Variants in LAMA4 observed in about 807,000 individuals in gnomAD.
LAMA4 encodes the protein laminin subunit alpha-4.
Under a neutral mutation model 207.1 loss-of-function variants are expected in LAMA4, and 127 were observed. That is an observed-to-expected ratio of 0.61 (90% CI 0.53 to 0.71). The LOEUF is 0.71. Ranked by LOEUF, LAMA4 falls within the 30% of genes least tolerant of loss-of-function variation. LAMA4 has a pLI of 0.00. For missense variants in LAMA4, 2,093 were observed against 2,246.5 expected, an observed-to-expected ratio of 0.93 and a Z score of 1.38; for synonymous variants, 761 against 816.0, an observed-to-expected ratio of 0.93 and a Z score of 1.15.
chr6:112,145,384 G>T (rs773240450), intron 18 of LAMA4, among the ~76,000 whole-genome samples: 1 of 152,216 alleles, frequency 6.6e-6, no homozygotes, highest in Non-Finnish European at 1.5e-5. Context: ...AGAGAGTAAC[G>T]CTACTGACCC....
chr6:112,190,870 T>C (rs946513125), intron 6 of LAMA4, among the ~76,000 whole-genome samples: 5 of 146,828 alleles, frequency 3.4e-5, no homozygotes, highest in South Asian at 2.2e-4. Flanking sequence ...GCAAGGTTTC[T>C]TTTTCTTTCT....
intron 31 of LAMA4, among the ~76,000 whole-genome samples, chr6:112,123,874 G>A (rs1778521602): frequency 6.6e-6 from 1 of 152,122 alleles, no homozygotes; most frequent in Non-Finnish European, 1.5e-5. Flanking sequence ...CAGAAACAAG[G>A]TTTCTCTCTT....
At chr6:112,207,583 C>A (rs941203542) in intron 3 of LAMA4, among the ~76,000 whole-genome samples, 2 of 149,920 alleles carry the variant, frequency 1.3e-5, no homozygotes, top group African/African-American at 5.1e-5. Context: ...GCAATGGGAA[C>A]AATAAGGATT....
At chr6:112,242,291 T>A (rs1786573501) in intron 2 of LAMA4, among the ~76,000 whole-genome samples, 1 of 152,198 alleles carries the variant, frequency 6.6e-6, no homozygotes, top group South Asian at 2.1e-4. Flanking sequence ...AAAGTAGCAG[T>A]TTGCTTTGAG....
Position 112,155,251 on chromosome 6 carries a change from AT to A in LAMA4, c.1960-305del, listed in dbSNP as rs1219033270. The A allele has an allele frequency of 5.1e-5, 29 of 563,242 alleles. No homozygotes were observed. In the East Asian group the frequency reaches 8.8e-4, roughly 17 times the overall value. The allele number at this position is 563,242 out of a possible 1,614,324, so 34.9% of individuals were successfully genotyped here. A position where few individuals can be genotyped will look rare whatever the true frequency, so the allele number is the denominator to read the frequency against. On this transcript the variant is annotated intron_variant, in intron 15 of 38. Transcript: ENST00000230538. ...TAAATAATTTTGAGTTGAAAAAAAT[AT>A]AAATGAATGCATAAAGTATCTTCTC...
At chr6:112,240,616 T>C (rs1208385550) in intron 2 of LAMA4, among the ~76,000 whole-genome samples, 1 of 152,208 alleles carries the variant, frequency 6.6e-6, no homozygotes, top group African/African-American at 2.4e-5. Context: ...ATTGACTTGA[T>C]TTTTAGATCC....
intron 2 of LAMA4, among the ~76,000 whole-genome samples, chr6:112,237,760 G>T (rs1262110809): frequency 1.3e-5 from 2 of 152,092 alleles, no homozygotes; most frequent in East Asian, 3.9e-4. Flanking sequence ...CAGAACCTTG[G>T]CGATGATCCC....
chr6:112,200,938 G>A (rs528218547), intron 5 of LAMA4, among the ~76,000 whole-genome samples: 102 of 152,030 alleles, frequency 6.7e-4, no homozygotes, highest in South Asian at 4.2e-3. Flanking sequence ...TGTGGATGAC[G>A]GGTTGATGGG....
chr6:112,181,461 A>G (rs1782351998), intron 9 of LAMA4, among the ~76,000 whole-genome samples: 1 of 152,128 alleles, frequency 6.6e-6, no homozygotes, highest in African/African-American at 2.4e-5. Flanking sequence ...CTGCCTTACA[A>G]TGAATCTTCC....
At chr6:112,144,304 G>T (rs1054116459) in intron 19 of LAMA4, among the ~76,000 whole-genome samples, 2 of 152,306 alleles carry the variant, frequency 1.3e-5, no homozygotes, top group Non-Finnish European at 2.9e-5. Context: ...TAACCCTGCG[G>T]GTGGTCAGTA....
intron 20 of LAMA4, 112 bp downstream of exon 20, chr6:112,142,007 A>G (rs1554333412): frequency 9.9e-7 from 1 of 1,007,126 alleles, no homozygotes; most frequent in African/African-American, 1.6e-5. Flanking sequence ...CTTCTGAGTT[A>G]CCAGAATGGG....
At chr6:112,188,850 T>G (rs1030190660) in intron 7 of LAMA4, 2 of 430,756 alleles carry the variant, frequency 4.6e-6, no homozygotes, top group African/African-American at 4.0e-5. Context: ...GACTTTGCCT[T>G]TAGCCATTAG....
At chr6:112,169,396 C>T (rs797039377) in intron 12 of LAMA4, among the ~76,000 whole-genome samples, 33 of 152,296 alleles carry the variant, frequency 2.2e-4, no homozygotes, top group African/African-American at 7.5e-4. Flanking sequence ...CAGGTAATAG[C>T]AAGGCTAATC....
intron 24 of LAMA4, among the ~76,000 whole-genome samples, chr6:112,136,682 ACT>A (rs1171036402): frequency 1.6e-5 from 2 of 127,362 alleles, no homozygotes; most frequent in African/African-American, 3.0e-5. Context: ...ACAGAACGAG[ACT>A]CTGTCTCAAA....
Position 112,117,994 on chromosome 6 carries a change from G to T in LAMA4, c.4822-96C>A. The T allele has an allele frequency of 1.1e-6, 1 of 932,628 alleles. No homozygotes were observed. Among genetic ancestry groups the T allele is most frequent in the Non-Finnish European group, 1.7e-6 (1 of 576,912 alleles). 57.8% of individuals were successfully genotyped at this position (932,628 alleles called of 1,614,324 possible). A position where few individuals can be genotyped will look rare whatever the true frequency, so the allele number is the denominator to read the frequency against. On this transcript the variant is annotated intron_variant, in intron 34 of 38. Coordinates refer to ENST00000230538, the MANE Select transcript of LAMA4 (RefSeq NM_001105206.3). The surrounding 1 kb of genome is among the most constrained non-coding windows in gnomAD (Gnocchi z 4.5). ...GGGTTTGAGTCCTGAAGGAACCCACGTAATTCCTTGTTTCATTTATTTCAG... is the reference window on the plus strand; with the variant it reads ...GGGTTTGAGTCCTGAAGGAACCCACTTAATTCCTTGTTTCATTTATTTCAG...
At chr6:112,177,705 C>G (rs1038418721) in intron 10 of LAMA4, among the ~76,000 whole-genome samples, 1 of 152,168 alleles carries the variant, frequency 6.6e-6, no homozygotes, top group Non-Finnish European at 1.5e-5. Flanking sequence ...GAAAGCCCAT[C>G]ATAGAAAGAG....
At chr6:112,167,419 C>G (rs1350269598) in intron 12 of LAMA4, among the ~76,000 whole-genome samples, 1 of 152,086 alleles carries the variant, frequency 6.6e-6, no homozygotes, top group Non-Finnish European at 1.5e-5. Context: ...CAACAACAAA[C>G]CCACTTAAGT....
intron 9 of LAMA4, among the ~76,000 whole-genome samples, chr6:112,181,079 C>T (rs73766950): frequency 0.021 from 3,149 of 152,256 alleles, 111 homozygotes; most frequent in African/African-American, 0.072. Context: ...AACTGGTCAC[C>T]AAGTCTGTTT....
chr6:112,225,747 T>C (rs2115104539), intron 2 of LAMA4, among the ~76,000 whole-genome samples: 1 of 152,330 alleles, frequency 6.6e-6, no homozygotes, highest in Non-Finnish European at 1.5e-5. Flanking sequence ...AATTGGAATG[T>C]GCTAATTTGA....
Sources: gnomAD v4.1 joint callset for allele counts (sites outside exome capture counted in the v4.1 genomes callset) on GRCh38, gnomAD v4.1.1 for gene constraint, Gnocchi (gnomAD v3.1) non-coding constraint, MANE v1.5 for transcripts, NCBI Gene and HGNC (gene_info 2026-07-23, HGNC 2026-07-21) for gene names.